SFMBT1: variants seen among roughly 807,000 people sequenced by gnomAD.
The protein encoded by SFMBT1 is Scm like with four mbt domains 1, also known as scm-like with four MBT domains protein 1.
A neutral mutation model predicts 108.7 loss-of-function variants in SFMBT1; 32 were observed. That is an observed-to-expected ratio of 0.29 (90% confidence interval 0.22 to 0.40). SFMBT1 has a LOEUF of 0.40. Ranked by LOEUF, SFMBT1 falls within the 10% of genes least tolerant of loss-of-function variation. The pLI is 1.00. For missense variants in SFMBT1, 816 were observed against 1,059.6 expected (o/e 0.77, Z 3.19); for synonymous variants, 348 against 369.5 (o/e 0.94, Z 0.67).
intron 2 of SFMBT1, among the ~76,000 whole-genome samples, chr3:52,961,947 A>C (rs1045342234): frequency 3.9e-5 from 6 of 152,256 alleles, no homozygotes; most frequent in African/African-American, 1.4e-4. Flanking sequence ...CTGAGAAGAA[A>C]CAAGACTAAT....
chr3:52,993,513 T>C (rs1010228105), intron 1 of SFMBT1, among the ~76,000 whole-genome samples: 1 of 150,110 alleles, frequency 6.7e-6, no homozygotes, highest in Non-Finnish European at 1.5e-5. Flanking sequence ...AATTCTAGGC[T>C]AATCAATTAG....
chr3:53,020,618 G>A (rs180778834), intron 1 of SFMBT1, among the ~76,000 whole-genome samples: 1 of 152,170 alleles, frequency 6.6e-6, no homozygotes. Context: ...TATTAAAGCC[G>A]ATACATGTTT....
At chr3:53,024,475 A>C (rs1450658387) in intron 1 of SFMBT1, among the ~76,000 whole-genome samples, 1 of 150,052 alleles carries the variant, frequency 6.7e-6, no homozygotes, top group African/African-American at 2.5e-5. Flanking sequence ...CGGCCATGAG[A>C]GCCTTGTTGG....
At chr3:52,939,155 C>T (rs904545833) in intron 4 of SFMBT1, among the ~76,000 whole-genome samples, 4 of 152,072 alleles carry the variant, frequency 2.6e-5, no homozygotes, top group African/African-American at 9.7e-5. Context: ...TTATTTTTTG[C>T]TTTAAAGTTC....
chr3:53,014,139 C>T (rs1699047146), intron 1 of SFMBT1, among the ~76,000 whole-genome samples: 1 of 152,178 alleles, frequency 6.6e-6, no homozygotes, highest in Admixed American at 6.5e-5. Context: ...ACAGCCAAAT[C>T]CATAACCTAA....
intron 13 of SFMBT1, among the ~76,000 whole-genome samples, chr3:52,917,976 A>G (rs1702412363): frequency 6.6e-6 from 1 of 152,198 alleles, no homozygotes; most frequent in Non-Finnish European, 1.5e-5. Context: ...ACACATATAC[A>G]CACAGAAACA....
chr3:53,026,664 G>A (rs1038716640), intron 1 of SFMBT1, among the ~76,000 whole-genome samples: 5 of 152,160 alleles, frequency 3.3e-5, no homozygotes, highest in Non-Finnish European at 7.4e-5. Context: ...TACAGTCCTA[G>A]ATATAACAGC....
chr3:52,974,962 G>A (rs1007971401), intron 1 of SFMBT1, among the ~76,000 whole-genome samples: 1 of 150,926 alleles, frequency 6.6e-6, no homozygotes, highest in African/African-American at 2.4e-5. Flanking sequence ...CCAAGTTTGC[G>A]CCACTGCACT....
chr3:52,969,090 A>G lies in SFMBT1; in HGVS notation c.28+11T>C. ...ATCCTAGAGAATAAATTCTGAGAATAAAACCAATACCTGCATCAAGCTGCT... is the reference window on the plus strand; with the variant it reads ...ATCCTAGAGAATAAATTCTGAGAATGAAACCAATACCTGCATCAAGCTGCT... On this transcript the variant is annotated intron_variant, in intron 2 of 20. Coordinates refer to ENST00000394752, the MANE Select transcript of SFMBT1 (RefSeq NM_016329.4). 6.2e-7 allele frequency: 1 copy of G among 1,614,000 alleles called. No homozygotes were observed. The highest frequency in any genetic ancestry group is 8.5e-7 in the Non-Finnish European group (1 of 1,179,922).
chr3:52,922,862 G>T (rs1702558545), intron 10 of SFMBT1, among the ~76,000 whole-genome samples: 1 of 152,188 alleles, frequency 6.6e-6, no homozygotes, highest in Non-Finnish European at 1.5e-5. Flanking sequence ...GTTAGCCTAT[G>T]GACTGCTGAG....
Position 52,913,588 on chromosome 3 carries a change from T to A in SFMBT1, c.1510A>T (p.Lys504Ter). The change falls in exon 15 of 21, where the codon AAG becomes TAG. Residue 504 changes from lysine to a stop codon, truncating the protein, a stop_gained. Coordinates refer to ENST00000394752, the MANE Select transcript of SFMBT1 (RefSeq NM_016329.4). LOFTEE classifies it high-confidence loss of function. ...VMINGKYCCP[K>*]IYFNHRCFSG... ...AAGCAACGGTGGTTGAAGTATATCTTTGGACAGCAATATTTTCCATTAATC... is the reference window on the plus strand; with the variant it reads ...AAGCAACGGTGGTTGAAGTATATCTATGGACAGCAATATTTTCCATTAATC... 1 of 1,613,970 alleles carries A rather than the reference T, an allele frequency of 6.2e-7. No individual in the cohort carries two copies. The highest frequency in any genetic ancestry group is 8.5e-7 in the Non-Finnish European group (1 of 1,179,980).
At chr3:52,907,014 A>C in intron 19 of SFMBT1, 55 bp downstream of exon 19, 1 of 1,549,702 alleles carries the variant, frequency 6.5e-7, no homozygotes, top group Admixed American at 2.0e-5. Context: ...ATCATATTCC[A>C]GATGGAAATT....
intron 1 of SFMBT1, among the ~76,000 whole-genome samples, chr3:53,001,796 C>T (rs1698558115): frequency 6.8e-6 from 1 of 148,126 alleles, no homozygotes; most frequent in South Asian, 2.1e-4. Context: ...CATGGTGGCT[C>T]ATGACTGTGG....
intron 1 of SFMBT1, among the ~76,000 whole-genome samples, chr3:53,032,772 T>A (rs933140911): frequency 6.6e-6 from 1 of 152,160 alleles, no homozygotes; most frequent in Admixed American, 6.5e-5. Context: ...TTAGTAGAGA[T>A]GAGAAACACT....
rs898563697 is a variant in SFMBT1 at position 53,013,322 on chromosome 3, G to A, written c.-131+32494C>T. 4.0e-5 allele frequency among the ~76,000 whole-genome samples: 6 copies of A among 151,586 alleles called. 1 individual carries two copies. The highest frequency in any genetic ancestry group is 1.9e-4 in the East Asian group (1 of 5,198). ...TCACCTAAAGAGTAAAACTCTTCTA[G>A]GTGGACAACAGGGAACAGGTAAACT... On this transcript the variant is annotated intron_variant, in intron 1 of 20. Coordinates refer to ENST00000394752, the MANE Select transcript of SFMBT1 (RefSeq NM_016329.4).
Position 52,995,938 on chromosome 3 carries a change from G to T in SFMBT1, c.-130-26680C>A, listed in dbSNP as rs1316757627. ...AATACAAAAATTAGCCAGGACAGTG[G>T]TATGTGCCTGTAGTCCCAGTTACTT... On this transcript the variant is annotated intron_variant, in intron 1 of 20. Coordinates refer to ENST00000394752, the MANE Select transcript of SFMBT1 (RefSeq NM_016329.4). Among the ~76,000 whole-genome samples the T allele has an allele frequency of 3.4e-5, 5 of 148,854 alleles. No homozygotes were observed. In the Admixed American group the frequency reaches 3.4e-4, roughly 10 times the overall value.
Position 52,905,198 on chromosome 3 carries a change from T to G in SFMBT1, c.2539A>C (p.Ile847Leu), listed in dbSNP as rs200975156. 6.2e-7 allele frequency: 1 copy of G among 1,614,142 alleles called. No homozygotes were observed. The highest frequency in any genetic ancestry group is 1.7e-5 in the Admixed American group (1 of 60,032). ...CTCTCTATGTGATGGCAAAGTTTGA[T>G]GGCAGGGCCCAATTTTAAGTCCATG... ...ECMDLKLGPA[I>L]KLCHHIERIK... Residue 847 changes from isoleucine to leucine, a missense_variant, in exon 21 of 21, where the codon ATC becomes CTC. Transcript: ENST00000394752.
chr3:52,959,701 C>T (rs1420751901), intron 2 of SFMBT1, among the ~76,000 whole-genome samples: 2 of 152,150 alleles, frequency 1.3e-5, no homozygotes, highest in African/African-American at 2.4e-5. Context: ...TTCCTATTGA[C>T]AATATACCTG....
intron 1 of SFMBT1, among the ~76,000 whole-genome samples, chr3:53,006,809 C>T (rs533331839): frequency 2.6e-5 from 4 of 152,272 alleles, no homozygotes; most frequent in African/African-American, 9.6e-5. Flanking sequence ...TTACAAAGGA[C>T]TTTTGCTTAC....
Sources: gnomAD v4.1 joint callset for allele counts (sites outside exome capture counted in the v4.1 genomes callset) on GRCh38, gnomAD v4.1.1 for gene constraint, MANE v1.5 for transcripts, NCBI Gene and HGNC (gene_info 2026-07-23, HGNC 2026-07-21) for gene names.